Variants in PATJ observed in about 807,000 individuals in gnomAD.
The protein encoded by PATJ is inaD-like protein.
In PATJ, 190 loss-of-function variants were observed where a neutral mutation model predicts 224.9. The ratio of observed to expected loss-of-function variants is 0.84; its 90% CI spans 0.75 to 0.95. The LOEUF is 0.95. Ranked by LOEUF, PATJ falls within the 40% of genes least tolerant of loss-of-function variation. PATJ has a pLI of 0.00. For missense variants in PATJ, 2,121 were observed against 2,270.3 expected (o/e 0.93, Z 1.34); for synonymous variants, 769 against 820.3 (o/e 0.94, Z 1.07).
At chr1:61,757,020 A>G (rs6666134) in intron 1 of PATJ, among the ~76,000 whole-genome samples, 54,773 of 150,500 alleles carry the variant, frequency 0.36, 10,502 homozygotes, top group South Asian at 0.5. Context: ...GCCTTATAGT[A>G]TAATTATCCC....
chr1:61,823,633 G>A (rs1164189876), intron 15 of PATJ, among the ~76,000 whole-genome samples: 1 of 152,178 alleles, frequency 6.6e-6, no homozygotes, highest in African/African-American at 2.4e-5. Context: ...ATAGAAGAGG[G>A]TTCTCCCAAG....
At chr1:61,774,529 C>G (rs550378299) in intron 6 of PATJ, among the ~76,000 whole-genome samples, 2 of 152,172 alleles carry the variant, frequency 1.3e-5, no homozygotes, top group Non-Finnish European at 2.9e-5. Flanking sequence ...TAGGACACTT[C>G]GTGTCCTACC....
intron 31 of PATJ, among the ~76,000 whole-genome samples, chr1:62,068,988 A>T (rs1558124116): frequency 6.6e-6 from 1 of 152,202 alleles, no homozygotes; most frequent in South Asian, 2.1e-4. Context: ...TTGTGTAATA[A>T]TTGGGCAATT....
At position 62,038,005 on chromosome 1, in the gene PATJ, G is replaced by A. The variant is rs746475772; in HGVS notation, c.3988G>A (p.Val1330Ile). Residue 1330 changes from valine to isoleucine, a missense_variant, in exon 30 of 44, where the codon GTT (valine) becomes ATT (isoleucine). Val to Ile is a conservative substitution (Grantham distance 29). Transcript: ENST00000642238. ...CGAGGATGCAGTCAATCAGATGGCCGTTACTCCCTTTCCAGTGCCATCAAG... is the reference window on the plus strand; with the variant it reads ...CGAGGATGCAGTCAATCAGATGGCCATTACTCCCTTTCCAGTGCCATCAAG... ...RNEDAVNQMA[V>I]TPFPVPSSSP... 1.9e-5 allele frequency: 30 copies of A among 1,603,518 alleles called. No individual in the cohort carries two copies. The highest frequency in any genetic ancestry group is 1.2e-4 in the South Asian group (11 of 88,964).
intron 6 of PATJ, among the ~76,000 whole-genome samples, chr1:61,772,947 T>C (rs1202284196): frequency 6.6e-6 from 1 of 152,224 alleles, no homozygotes; most frequent in Non-Finnish European, 1.5e-5. Flanking sequence ...GCTGGTATTG[T>C]CAGGCACATT....
At position 62,161,127 on chromosome 1, in the gene PATJ, T is replaced by A; in HGVS notation, c.*73T>A. 1 of 1,230,154 alleles carries A rather than the reference T, an allele frequency of 8.1e-7. No individual in the cohort carries two copies. The highest frequency in any genetic ancestry group is 1.0e-6 in the Non-Finnish European group (1 of 952,806). The allele number at this position is 1,230,154 out of a possible 1,614,324, so 76.2% of individuals were successfully genotyped here. A position where few individuals can be genotyped will look rare whatever the true frequency, so the allele number is the denominator to read the frequency against. ...AGGCAGATGAAGTTCTGAGTGGGTA[T>A]GAAAAGCACCCTCAACTAAAATGCA... On this transcript the variant is annotated 3_prime_UTR_variant, in exon 44 of 44. Coordinates refer to ENST00000642238, the MANE Select transcript of PATJ (RefSeq NM_001350145.3).
intron 27 of PATJ, among the ~76,000 whole-genome samples, chr1:61,971,050 GT>G (rs1259178446): frequency 6.6e-6 from 1 of 152,130 alleles, no homozygotes; most frequent in East Asian, 1.9e-4. Context: ...GAGCATGACA[GT>G]TTTTAAAGTT....
intron 27 of PATJ, among the ~76,000 whole-genome samples, chr1:61,966,381 T>C (rs1258023420): frequency 2.0e-5 from 3 of 152,046 alleles, no homozygotes; most frequent in African/African-American, 4.8e-5. Context: ...GGCGAGTCCA[T>C]AGAGTAAAGT....
At chr1:61,875,896 G>A (rs911173385) in intron 21 of PATJ, among the ~76,000 whole-genome samples, 1 of 151,988 alleles carries the variant, frequency 6.6e-6, no homozygotes, top group Non-Finnish European at 1.5e-5. Context: ...TCTTATATAT[G>A]TTTGAAAAGT....
At position 61,908,374 on chromosome 1, in the gene PATJ, G is replaced by A. The variant is rs775869080; in HGVS notation, c.3384G>A (p.Val1128=). The A allele has an allele frequency of 8.7e-6, 14 of 1,608,742 alleles. No homozygotes were observed. The highest frequency in any genetic ancestry group is 5.0e-5 in the Admixed American group (3 of 59,952). ...ALKTGDKILE[V]SGVDLQNASH... is the part of the protein sequence containing the mutation. The stretch of plus-strand genomic sequence containing the variant: ...AATAACTTGCTTCTGTGTTTCAGGT[G>A]TCTGGAGTAGATTTGCAGAATGCCT... Residue 1128 remains valine (V), a splice_region_variant and synonymous_variant, in exon 25 of 44, where the codon GTG becomes GTA. Transcript: ENST00000642238.
At chr1:61,966,858 G>T (rs1682240274) in intron 27 of PATJ, among the ~76,000 whole-genome samples, 1 of 152,128 alleles carries the variant, frequency 6.6e-6, no homozygotes, top group Non-Finnish European at 1.5e-5. Context: ...TGTTACCGTG[G>T]CATTTGTAAA....
At chr1:61,936,449 A>AG (rs1676887841) in intron 27 of PATJ, among the ~76,000 whole-genome samples, 1 of 150,624 alleles carries the variant, frequency 6.6e-6, no homozygotes, top group Non-Finnish European at 1.5e-5. Flanking sequence ...AAAAAAAAAA[A>AG]AAGCCGGAAA....
chr1:61,845,286 CA>C lies in PATJ; in HGVS notation c.2113-10743del, dbSNP rs1480759725. On this transcript the variant is annotated intron_variant, in intron 17 of 43. Transcript: ENST00000642238. ...TGAGGTTAAGGAGTTCACTCATGAC[CA>C]CCCAGTTAGTAAATGGAGCTGAGCT... Among the ~76,000 whole-genome samples the C allele has an allele frequency of 2.0e-5, 3 of 152,236 alleles. No homozygotes were observed. The East Asian group carries it at 5.8e-4, about 29-fold the overall frequency.
rs1234686828 is a variant in PATJ at position 62,163,470 on chromosome 1, G to A, written c.*2416G>A. The A allele has an allele frequency of 6.6e-6, 1 of 152,530 alleles. No homozygotes were observed. The highest frequency in any genetic ancestry group is 2.4e-5 in the African/African-American group (1 of 41,432). The allele number at this position is 152,530 out of a possible 1,614,324, so 9.4% of individuals were successfully genotyped here. On this transcript the variant is annotated 3_prime_UTR_variant, in exon 44 of 44. Transcript: ENST00000642238. ...TTGAAATGGGATTCTGCTTTATTTT[G>A]ATGGAATGGCCATTAAATACACATT...
intron 30 of PATJ, among the ~76,000 whole-genome samples, chr1:62,040,837 A>G (rs1651348179): frequency 6.6e-6 from 1 of 152,202 alleles, no homozygotes; most frequent in Admixed American, 6.5e-5. Context: ...ATTTAGGGGA[A>G]GAAAAATAAC....
At chr1:61,899,684 C>T in intron 23 of PATJ, 30 bp downstream of exon 23, 1 of 1,439,844 alleles carries the variant, frequency 6.9e-7, no homozygotes, top group Non-Finnish European at 9.7e-7. Context: ...GTGGCTTTCT[C>T]AATAGGAGCA....
chr1:62,130,857 A>T (rs2481666), intron 41 of PATJ, among the ~76,000 whole-genome samples: 68,232 of 151,996 alleles, frequency 0.45, 16,790 homozygotes, highest in Non-Finnish European at 0.55. Flanking sequence ...TCTCAAAAGA[A>T]AAAAAGAAAA....
chr1:61,936,594 G>A (rs1557902542), intron 27 of PATJ, among the ~76,000 whole-genome samples: 1 of 151,958 alleles, frequency 6.6e-6, no homozygotes, highest in Non-Finnish European at 1.5e-5. Context: ...TTTTGAGACA[G>A]GGTCTCTCGC....
chr1:62,099,005 A>G (rs1483615999), intron 33 of PATJ, among the ~76,000 whole-genome samples: 2 of 152,188 alleles, frequency 1.3e-5, no homozygotes, highest in South Asian at 2.1e-4. Context: ...TTTAAACTCT[A>G]TAACTGTAGT....
Sources: allele counts gnomAD v4.1 joint callset (sites outside exome capture counted in the v4.1 genomes callset), GRCh38; gene constraint gnomAD v4.1.1; transcripts MANE v1.5; gene names NCBI Gene and HGNC (gene_info 2026-07-23, HGNC 2026-07-21).